COBLL1: variants seen among roughly 807,000 people sequenced by gnomAD.
COBLL1 encodes the protein cordon-bleu protein-like 1.
Under a neutral mutation model 94.8 loss-of-function variants are expected in COBLL1, and 50 were observed. That is an observed-to-expected ratio of 0.53 (90% CI 0.42 to 0.67). The LOEUF (loss-of-function observed/expected upper bound fraction) is 0.67. COBLL1 is among the 30% of genes least tolerant of loss of function. The pLI, the probability that COBLL1 is intolerant of heterozygous loss-of-function variation, is 0.00. For synonymous variants in COBLL1, 448 were observed against 473.8 expected, an observed-to-expected ratio of 0.95 and a Z score of 0.71; for missense variants, 1,362 against 1,348.7, an observed-to-expected ratio of 1.01 and a Z score of -0.15.
At chr2:164,837,236 G>A (rs577946373) in intron 2 of COBLL1, among the ~76,000 whole-genome samples, 2 of 151,860 alleles carry the variant, frequency 1.3e-5, no homozygotes, top group Middle Eastern at 3.4e-3. Context: ...TTTAAATTTC[G>A]AAGGATTTTT....
intron 7 of COBLL1, among the ~76,000 whole-genome samples, chr2:164,705,832 G>A (rs1459041612): frequency 2.0e-5 from 3 of 152,106 alleles, no homozygotes; most frequent in Admixed American, 6.6e-5. Context: ...TAAAGAGTTC[G>A]AGACCAGCCT....
intron 1 of COBLL1, among the ~76,000 whole-genome samples, chr2:164,672,051 G>A (rs999829664): frequency 6.6e-6 from 1 of 152,162 alleles, no homozygotes; most frequent in African/African-American, 2.4e-5. Context: ...AGAGGTGTAC[G>A]CTGGTATATA....
intron 7 of COBLL1, among the ~76,000 whole-genome samples, chr2:164,721,482 C>A (rs1051760651): frequency 6.6e-6 from 1 of 152,220 alleles, no homozygotes; most frequent in East Asian, 1.9e-4. Flanking sequence ...TAGTAAGAAA[C>A]TTTGAGAAAA....
chr2:164,799,837 T>A (rs1255417045), intron 2 of COBLL1, among the ~76,000 whole-genome samples: 1 of 152,192 alleles, frequency 6.6e-6, no homozygotes, highest in Non-Finnish European at 1.5e-5. Flanking sequence ...AGGCAATTCA[T>A]TAGAGAAAGG....
intron 4 of COBLL1, among the ~76,000 whole-genome samples, chr2:164,729,036 A>G (rs768032450): frequency 2.6e-5 from 4 of 151,928 alleles, no homozygotes; most frequent in Non-Finnish European, 1.5e-5. Flanking sequence ...TTCCATCTAG[A>G]AAAACAGCAG....
chr2:164,728,825 A>G (rs1442370760), intron 4 of COBLL1, among the ~76,000 whole-genome samples: 1 of 152,062 alleles, frequency 6.6e-6, no homozygotes, highest in Non-Finnish European at 1.5e-5. Context: ...TCTTCATTAA[A>G]TATCTAGTAC....
chr2:164,658,118 C>G, intron 2 of COBLL1, among the ~76,000 whole-genome samples: 1 of 152,098 alleles, frequency 6.6e-6, no homozygotes, highest in East Asian at 1.9e-4. Flanking sequence ...GTGAGCTCTC[C>G]TTACTATCTG....
At chr2:164,804,038 T>C (rs904870426) in intron 2 of COBLL1, among the ~76,000 whole-genome samples, 1 of 142,566 alleles carries the variant, frequency 7.0e-6, no homozygotes, top group South Asian at 2.2e-4. Flanking sequence ...GGAACAGGGA[T>C]AGTAGGAGAT....
At chr2:164,728,480 T>C (rs1685826536) in intron 4 of COBLL1, among the ~76,000 whole-genome samples, 1 of 152,184 alleles carries the variant, frequency 6.6e-6, no homozygotes, top group Non-Finnish European at 1.5e-5. Flanking sequence ...CTAGTACTAC[T>C]CATGTTTTCA....
chr2:164,695,228 T>C lies in COBLL1; in HGVS notation c.2164A>G (p.Thr722Ala), dbSNP rs1357833046. The C allele has an allele frequency of 6.2e-7, 1 of 1,614,018 alleles. No individual in the cohort carries two copies. The highest frequency in any genetic ancestry group is 1.1e-5 in the South Asian group (1 of 91,076). Residue 722 changes from threonine to alanine, a missense_variant, in exon 12 of 14, where the codon ACA (threonine) becomes GCA (alanine). Thr to Ala is a moderately conservative substitution (Grantham distance 58). Coordinates refer to ENST00000652658, the MANE Select transcript of COBLL1 (RefSeq NM_001365672.2). ...NPKPKPSNEITREYIPKIGMT... is the reference protein window; with the variant it reads ...NPKPKPSNEIAREYIPKIGMT... ...CCAATTTTGGGTATATACTCTCGTG[T>C]AATTTCATTTGAAGGTTTTGGCTTG...
At chr2:164,820,006 T>TTA (rs1553482338) in intron 2 of COBLL1, among the ~76,000 whole-genome samples, 5 of 144,164 alleles carry the variant, frequency 3.5e-5, no homozygotes, top group Non-Finnish European at 6.1e-5. Context: ...TTTTTTTTTT[T>TTA]AATTTTTAGT....
chr2:164,700,210 T>G (rs1684175690), intron 10 of COBLL1, among the ~76,000 whole-genome samples: 1 of 152,106 alleles, frequency 6.6e-6, no homozygotes, highest in African/African-American at 2.4e-5. Context: ...AATTAAATAT[T>G]ACATATAGGT....
intron 2 of COBLL1, among the ~76,000 whole-genome samples, chr2:164,664,535 A>G (rs780754711): frequency 1.3e-5 from 2 of 152,224 alleles, no homozygotes; most frequent in African/African-American, 2.4e-5. Flanking sequence ...ACACAAAATG[A>G]GGGATAATCA....
intron 3 of COBLL1, among the ~76,000 whole-genome samples, chr2:164,742,265 C>T (rs1318450460): frequency 6.6e-6 from 1 of 151,794 alleles, no homozygotes; most frequent in African/African-American, 2.4e-5. Context: ...ACTGTTACAT[C>T]CCTAAGAAGA....
intron 2 of COBLL1, among the ~76,000 whole-genome samples, chr2:164,786,528 G>A (rs1448055035): frequency 6.6e-6 from 1 of 152,142 alleles, no homozygotes; most frequent in East Asian, 1.9e-4. Context: ...TTGGAAAACA[G>A]CAAGCAGCTC....
At chr2:164,744,304 C>T (rs986503255) in intron 2 of COBLL1, among the ~76,000 whole-genome samples, 2 of 152,056 alleles carry the variant, frequency 1.3e-5, no homozygotes, top group Admixed American at 6.6e-5. Flanking sequence ...TATTTGTTTC[C>T]GATGTAGTAT....
At chr2:164,703,097 C>T in intron 9 of COBLL1, 1 of 1,570,396 alleles carries the variant, frequency 6.4e-7, no homozygotes, top group Non-Finnish European at 8.7e-7. Flanking sequence ...AAGGCCTGAC[C>T]ACCTACATGT....
chr2:164,749,560 C>T (rs1687026191), intron 2 of COBLL1, among the ~76,000 whole-genome samples: 1 of 152,214 alleles, frequency 6.6e-6, no homozygotes, highest in African/African-American at 2.4e-5. Flanking sequence ...AACACGATTT[C>T]TCAGTTTCTC....
At chr2:164,706,807 C>T (rs930717229) in intron 7 of COBLL1, among the ~76,000 whole-genome samples, 1 of 152,170 alleles carries the variant, frequency 6.6e-6, no homozygotes, top group African/African-American at 2.4e-5. Context: ...TCCCTATAGT[C>T]CTTCAACATA....
Sources: allele counts gnomAD v4.1 joint callset (sites outside exome capture counted in the v4.1 genomes callset), GRCh38; gene constraint gnomAD v4.1.1; transcripts MANE v1.5; gene names NCBI Gene and HGNC (gene_info 2026-07-23, HGNC 2026-07-21).